PPFIA2: variants seen among roughly 807,000 people sequenced by gnomAD.
PPFIA2 encodes the protein liprin-alpha-2.
PPFIA2 carries 46 observed loss-of-function variants against 175.5 expected under a neutral mutation model. The observed-to-expected ratio is 0.26, with a 90% CI of 0.21 to 0.34. The LOEUF is 0.34. PPFIA2 is among the 10% of genes least tolerant of loss of function. The pLI, the probability that PPFIA2 is intolerant of heterozygous loss-of-function variation, is 1.00. For missense variants in PPFIA2, 1,179 were observed against 1,506.1 expected (o/e 0.78, Z 3.60); for synonymous variants, 568 against 511.4 (o/e 1.11, Z -1.49).
At chr12:81,688,721 A>G (rs1057437599) in intron 3 of PPFIA2, among the ~76,000 whole-genome samples, 1 of 150,272 alleles carries the variant, frequency 6.7e-6, no homozygotes, top group Non-Finnish European at 1.5e-5. Context: ...CCTTAAGGCA[A>G]TTTATCAGTC....
intron 7 of PPFIA2, among the ~76,000 whole-genome samples, chr12:81,436,466 TA>T (rs2049066986): frequency 6.6e-6 from 1 of 152,118 alleles, no homozygotes; most frequent in African/African-American, 2.4e-5. Context: ...GCTCTTTTTT[TA>T]AAAACTATCT....
chr12:81,610,027 T>C (rs1013710687), intron 4 of PPFIA2, among the ~76,000 whole-genome samples: 2 of 152,168 alleles, frequency 1.3e-5, no homozygotes, highest in East Asian at 3.9e-4. Flanking sequence ...CTCCTTCAAT[T>C]ATGAAGCTTA....
At chr12:81,313,849 C>T (rs1482503240) in intron 22 of PPFIA2, among the ~76,000 whole-genome samples, 1 of 151,708 alleles carries the variant, frequency 6.6e-6, no homozygotes, top group Non-Finnish European at 1.5e-5. Context: ...CGTAGTGAAA[C>T]CTAATATTTA....
At chr12:81,406,880 G>A (rs762770598) in intron 7 of PPFIA2, among the ~76,000 whole-genome samples, 17 of 152,032 alleles carry the variant, frequency 1.1e-4, no homozygotes, top group Non-Finnish European at 2.1e-4. Context: ...GTCACAAGAC[G>A]AATAATCATT....
chr12:81,358,033 A>G lies in PPFIA2; in HGVS notation c.1773+49T>C, dbSNP rs776397638. On this transcript the variant is annotated intron_variant, in intron 16 of 32. Coordinates refer to ENST00000549396, the MANE Select transcript of PPFIA2 (RefSeq NM_003625.5). ...GTGTTAAAATTCTATCAAAAATGAA[A>G]CTATGTATTTAAATAAAACTAGAGA... 10 of 1,453,678 alleles carry G rather than the reference A, an allele frequency of 6.9e-6. No individual in the cohort carries two copies. The Admixed American group carries it at 1.1e-4, about 15-fold the overall frequency. 90.0% of individuals were successfully genotyped at this position (1,453,678 alleles called of 1,614,324 possible). A position where few individuals can be genotyped will look rare whatever the true frequency, so the allele number is the denominator to read the frequency against.
At chr12:81,472,537 G>A (rs1384944216) in intron 4 of PPFIA2, 1 of 152,130 alleles carries the variant, frequency 6.6e-6, no homozygotes, top group Non-Finnish European at 1.5e-5. Flanking sequence ...ACCACTCAAG[G>A]AAATTTAAAA....
chr12:81,589,604 T>A (rs542468315), intron 4 of PPFIA2, among the ~76,000 whole-genome samples: 4 of 152,216 alleles, frequency 2.6e-5, no homozygotes, highest in Non-Finnish European at 5.9e-5. Flanking sequence ...AATTACATAG[T>A]TTAGAATACT....
At chr12:81,723,975 ATAT>A (rs539448256) in intron 3 of PPFIA2, among the ~76,000 whole-genome samples, 79 of 151,062 alleles carry the variant, frequency 5.2e-4, no homozygotes, top group Non-Finnish European at 1.0e-3. Context: ...ATATTTCAAA[ATAT>A]TATTACTTCA....
At chr12:81,379,253 A>C (rs2037095891) in intron 9 of PPFIA2, among the ~76,000 whole-genome samples, 1 of 152,148 alleles carries the variant, frequency 6.6e-6, no homozygotes, top group Non-Finnish European at 1.5e-5. Context: ...CTTGCTACCT[A>C]CAAAAAAAAT....
chr12:81,396,819 A>G (rs1183933530), intron 8 of PPFIA2, among the ~76,000 whole-genome samples: 1 of 152,108 alleles, frequency 6.6e-6, no homozygotes, highest in East Asian at 1.9e-4. Flanking sequence ...ACAATAATTC[A>G]GCTGAGAGAT....
In PPFIA2 at chr12:81,308,128, A is replaced by G. The variant is rs2049792363; in HGVS notation, c.2643-8746T>C. Among the ~76,000 whole-genome samples the G allele has an allele frequency of 2.0e-5, 3 of 152,314 alleles. No homozygotes were observed. The South Asian group carries it at 6.2e-4, about 32-fold the overall frequency. On this transcript the variant is annotated intron_variant, in intron 22 of 32. Coordinates refer to ENST00000549396, the MANE Select transcript of PPFIA2 (RefSeq NM_003625.5). ...TAAATAAATTGCATTACAATTTAAT[A>G]CAGTAAGTGCTATAATTGAGATACA... is the stretch of plus-strand genomic sequence containing the variant.
intron 4 of PPFIA2, among the ~76,000 whole-genome samples, chr12:81,614,818 GTAA>G (rs1286954505): frequency 2.0e-5 from 3 of 152,006 alleles, no homozygotes; most frequent in Admixed American, 2.0e-4. Flanking sequence ...TTCTAGAATA[GTAA>G]TAATAATGAT....
chr12:81,513,206 C>G (rs2062003953), intron 4 of PPFIA2, among the ~76,000 whole-genome samples: 1 of 152,030 alleles, frequency 6.6e-6, no homozygotes, highest in Non-Finnish European at 1.5e-5. Context: ...GAGATACCAA[C>G]TTATTCTTGC....
chr12:81,450,050 T>G (rs1025927388), intron 5 of PPFIA2, among the ~76,000 whole-genome samples: 1 of 152,190 alleles, frequency 6.6e-6, no homozygotes, highest in African/African-American at 2.4e-5. Flanking sequence ...TGATGGACAT[T>G]TGGGTTAGTT....
At chr12:81,503,403 G>C (rs944738625) in intron 4 of PPFIA2, among the ~76,000 whole-genome samples, 6 of 152,018 alleles carry the variant, frequency 3.9e-5, no homozygotes, top group Admixed American at 1.3e-4. Flanking sequence ...AAGACCAAAT[G>C]GTTTTCCCAC....
chr12:81,356,097 T>C lies in PPFIA2; in HGVS notation c.1773+1985A>G, dbSNP rs552666231. Among the ~76,000 whole-genome samples, 53 of 152,294 alleles carry C rather than the reference T, an allele frequency of 3.5e-4. 1 individual carries two copies. In the South Asian group the frequency reaches 0.01, roughly 30 times the overall value. On this transcript the variant is annotated intron_variant, in intron 16 of 32. Coordinates refer to ENST00000549396, the MANE Select transcript of PPFIA2 (RefSeq NM_003625.5). ...TTTGACTTAGTGAGAGATGTGCAAC[T>C]CTTACTTTCACTTGAACACTTAAGG...
At chr12:81,556,057 T>A (rs2068804136) in intron 4 of PPFIA2, among the ~76,000 whole-genome samples, 2 of 151,950 alleles carry the variant, frequency 1.3e-5, no homozygotes, top group Admixed American at 1.3e-4. Context: ...CACTGGTCTG[T>A]AACTAGCCAT....
At chr12:81,499,190 C>T (rs547120720) in intron 4 of PPFIA2, among the ~76,000 whole-genome samples, 17 of 152,268 alleles carry the variant, frequency 1.1e-4, no homozygotes, top group Admixed American at 1.1e-3. Context: ...TACCATGCCC[C>T]TGTAATGTGT....
chr12:81,488,002 T>C (rs895124130), intron 4 of PPFIA2, among the ~76,000 whole-genome samples: 4 of 151,922 alleles, frequency 2.6e-5, no homozygotes, highest in Non-Finnish European at 1.5e-5. Flanking sequence ...TAAAAAGCCA[T>C]GTAATATAGT....
Sources: allele counts gnomAD v4.1 joint callset (sites outside exome capture counted in the v4.1 genomes callset), GRCh38; gene constraint gnomAD v4.1.1; transcripts MANE v1.5; gene names NCBI Gene and HGNC (gene_info 2026-07-23, HGNC 2026-07-21).